KREMEN1: variants seen among roughly 807,000 people sequenced by gnomAD.
KREMEN1 encodes kremen protein 1.
Under a neutral mutation model 46.5 loss-of-function variants are expected in KREMEN1, and 30 were observed. That is an observed-to-expected ratio of 0.65 (90% CI 0.48 to 0.88). The LOEUF (loss-of-function observed/expected upper bound fraction) is 0.88, where lower values mean the gene tolerates loss of function less well. Among genes scored for constraint, KREMEN1 ranks in the 40% least tolerant of loss-of-function variants. The pLI is 0.00. For missense variants in KREMEN1, 533 were observed against 596.9 expected (o/e 0.89, Z 1.11); for synonymous variants, 214 against 230.6 (o/e 0.93, Z 0.65).
chr22:29,082,118 A>G (rs1466148531), intron 1 of KREMEN1, among the ~76,000 whole-genome samples: 1 of 152,272 alleles, frequency 6.6e-6, no homozygotes, highest in Non-Finnish European at 1.5e-5. Flanking sequence ...CAACATGGAA[A>G]AAGGTTGCTC....
intron 9 of KREMEN1, among the ~76,000 whole-genome samples, chr22:29,151,980 AG>A (rs1317433547): frequency 6.7e-6 from 1 of 149,592 alleles, no homozygotes; most frequent in African/African-American, 2.5e-5. Context: ...ATTGCACTCC[AG>A]CCTGGGAGAC....
At chr22:29,094,678 C>T (rs2037856049) in intron 2 of KREMEN1, among the ~76,000 whole-genome samples, 1 of 145,302 alleles carries the variant, frequency 6.9e-6, no homozygotes, top group South Asian at 2.1e-4. Context: ...GGCTGGAGTG[C>T]AGTGGCGCGA....
chr22:29,166,541 T>C (rs1174478221), intron 9 of KREMEN1, among the ~76,000 whole-genome samples: 2 of 152,204 alleles, frequency 1.3e-5, no homozygotes, highest in African/African-American at 4.8e-5. Flanking sequence ...CACTTAGTAA[T>C]AGTTTAGAAC....
At chr22:29,097,674 G>A (rs529198491) in intron 2 of KREMEN1, among the ~76,000 whole-genome samples, 1 of 152,060 alleles carries the variant, frequency 6.6e-6, no homozygotes, top group Admixed American at 6.5e-5. Flanking sequence ...TTTATTAAGT[G>A]AATTTTGTTT....
chr22:29,093,118 A>G (rs77344301), intron 1 of KREMEN1, among the ~76,000 whole-genome samples: 1 of 152,204 alleles, frequency 6.6e-6, no homozygotes, highest in Admixed American at 6.5e-5. Context: ...TGGAAGAGAG[A>G]TGTTCTGTGG....
At chr22:29,131,544 A>G (rs1338159132) in intron 5 of KREMEN1, among the ~76,000 whole-genome samples, 1 of 37,432 alleles carries the variant, frequency 2.7e-5, no homozygotes, top group African/African-American at 9.7e-5. Context: ...ATATATATAT[A>G]TATATATATA....
chr22:29,073,201 C>T lies in KREMEN1; in HGVS notation c.71C>T (p.Pro24Leu). 8.4e-7 allele frequency: 1 copy of T among 1,190,120 alleles called. No homozygotes were observed. Among genetic ancestry groups the T allele is most frequent in the South Asian group, 3.9e-5 (1 of 25,672 alleles). The allele number at this position is 1,190,120 out of a possible 1,614,324, so 73.7% of individuals were successfully genotyped here. ...AALTLAARPA[P>L]SPGLGPGPEC... ...CTCACGCTGGCGGCCCGGCCCGCGC[C>T]TAGCCCCGGCCTCGGCCCCGGACCC... is the stretch of plus-strand genomic sequence containing the variant. Residue 24 changes from proline to leucine, a missense_variant, in exon 1 of 9, where the codon CCT becomes CTT. Pro to Leu is a moderately conservative substitution (Grantham distance 98). Coordinates refer to ENST00000400335, the MANE Select transcript of KREMEN1 (RefSeq NM_001039570.3). This position sits in a 1 kb window ranked among gnomAD's most constrained non-coding sequence, Gnocchi z 4.4.
Position 29,121,458 on chromosome 22 carries a change from T to G in KREMEN1, c.454T>G (p.Phe152Val). ...ACTCACCATACAAACTTGCATCAGT[T>G]TTTGTCGGAGTCAGAGGTTCAAGGT... ...NKLTIQTCIS[F>V]CRSQRFKFAG... is the part of the protein sequence containing the mutation. Residue 152 changes from phenylalanine to valine, a missense_variant, in exon 4 of 9, where the codon TTT becomes GTT. Transcript: ENST00000400335. 1 of 1,614,096 alleles carries G rather than the reference T, an allele frequency of 6.2e-7. No individual in the cohort carries two copies.
chr22:29,114,779 T>A (rs1203201598), intron 3 of KREMEN1, among the ~76,000 whole-genome samples: 1 of 152,214 alleles, frequency 6.6e-6, no homozygotes, highest in Non-Finnish European at 1.5e-5. Flanking sequence ...CACACCAGTC[T>A]GGGGCCATTT....
chr22:29,138,602 T>C (rs1211623722), intron 6 of KREMEN1, 22 bp from the exon 7 acceptor site: 1 of 1,610,704 alleles, frequency 6.2e-7, no homozygotes, highest in Non-Finnish European at 8.5e-7. Context: ...CTGTCCCCAG[T>C]TAATTGCTTT....
Position 29,144,278 on chromosome 22 carries a change from G to A in KREMEN1, c.*2166G>A. 1 of 985,690 alleles carries A rather than the reference G, an allele frequency of 1.0e-6. No individual in the cohort carries two copies. Among genetic ancestry groups the A allele is most frequent in the Non-Finnish European group, 1.2e-6 (1 of 830,098 alleles). 61.1% of individuals were successfully genotyped at this position (985,690 alleles called of 1,614,324 possible). On this transcript the variant is annotated 3_prime_UTR_variant, in exon 9 of 9. Coordinates refer to ENST00000400335, the MANE Select transcript of KREMEN1 (RefSeq NM_001039570.3). ...CCTGCCGCCCCTGGGAGGAAAGAGG[G>A]CCACACAGGAAGTGTCTGCAGGGAG...
chr22:29,120,876 A>G (rs1187703903), intron 3 of KREMEN1, among the ~76,000 whole-genome samples: 1 of 152,146 alleles, frequency 6.6e-6, no homozygotes, highest in Non-Finnish European at 1.5e-5. Context: ...CCCAGCAGCA[A>G]TAAGGAACTA....
chr22:29,106,294 G>C (rs1260437699), intron 3 of KREMEN1, among the ~76,000 whole-genome samples: 1 of 150,964 alleles, frequency 6.6e-6, no homozygotes, highest in Non-Finnish European at 1.5e-5. Context: ...GATCTTGGCT[G>C]ACTGCAAGCT....
At chr22:29,106,659 C>G (rs1467224792) in intron 3 of KREMEN1, among the ~76,000 whole-genome samples, 1 of 152,174 alleles carries the variant, frequency 6.6e-6, no homozygotes, top group African/African-American at 2.4e-5. Context: ...GATAGCTAGA[C>G]CAGTGCCTTT....
chr22:29,095,239 G>A (rs987782461), intron 2 of KREMEN1, among the ~76,000 whole-genome samples: 5 of 152,156 alleles, frequency 3.3e-5, no homozygotes, highest in Non-Finnish European at 5.9e-5. Flanking sequence ...CCTTTTAGTC[G>A]ACTAAGGTGT....
In KREMEN1 at chr22:29,121,487, G is replaced by T; in HGVS notation, c.477+6G>T. 1 of 1,613,932 alleles carries T rather than the reference G, an allele frequency of 6.2e-7. No homozygotes were observed. Among genetic ancestry groups the T allele is most frequent in the South Asian group, 1.1e-5 (1 of 91,074 alleles). ...GTCGGAGTCAGAGGTTCAAGGTGATGACTCTGTGGCTGTGTAACTATAGAA... is the reference window on the plus strand; with the variant it reads ...GTCGGAGTCAGAGGTTCAAGGTGATTACTCTGTGGCTGTGTAACTATAGAA... On this transcript the variant is annotated splice_donor_region_variant and intron_variant, in intron 4 of 8. Coordinates refer to ENST00000400335, the MANE Select transcript of KREMEN1 (RefSeq NM_001039570.3).
At position 29,095,677 on chromosome 22, in the gene KREMEN1, G is replaced by A. The variant is rs565506935; in HGVS notation, c.260+1257G>A. 1.2e-4 allele frequency among the ~76,000 whole-genome samples: 18 copies of A among 152,274 alleles called. No individual in the cohort carries two copies. The South Asian group carries it at 3.3e-3, about 28-fold the overall frequency. On this transcript the variant is annotated intron_variant, in intron 2 of 8. Transcript: ENST00000400335. Reference sequence around the variant, plus strand: ...ACATATATTTTCCTGTATTGTATGGGCCACACTGTTTACCTTCTGCCCTCT... The same window carrying A: ...ACATATATTTTCCTGTATTGTATGGACCACACTGTTTACCTTCTGCCCTCT...
At chr22:29,158,430 G>A (rs2038982793) in intron 9 of KREMEN1, among the ~76,000 whole-genome samples, 1 of 152,186 alleles carries the variant, frequency 6.6e-6, no homozygotes, top group South Asian at 2.1e-4. Flanking sequence ...ACAGCGGAGA[G>A]GCGCCGACAT....
intron 3 of KREMEN1, among the ~76,000 whole-genome samples, chr22:29,115,717 T>TG (rs1256912332): frequency 6.6e-6 from 1 of 151,844 alleles, no homozygotes; most frequent in Non-Finnish European, 1.5e-5. Context: ...CTCTTTCTTG[T>TG]GGGGGATAGG....
Sources: allele counts gnomAD v4.1 joint callset (sites outside exome capture counted in the v4.1 genomes callset), GRCh38; gene constraint gnomAD v4.1.1; non-coding constraint Gnocchi (gnomAD v3.1); transcripts MANE v1.5; gene names NCBI Gene and HGNC (gene_info 2026-07-23, HGNC 2026-07-21).